PCDHGB4: variants seen among roughly 807,000 people sequenced by gnomAD.
The protein encoded by PCDHGB4 is protocadherin gamma subfamily B, 4.
A neutral mutation model predicts 60.5 loss-of-function variants in PCDHGB4; 38 were observed. The observed-to-expected ratio is 0.63, with a 90% confidence interval of 0.48 to 0.82. The LOEUF (loss-of-function observed/expected upper bound fraction) is 0.82, where lower values mean the gene tolerates loss of function less well. Among genes scored for constraint, PCDHGB4 ranks in the 40% least tolerant of loss-of-function variants. The pLI is 0.00. For missense variants in PCDHGB4, 1,109 were observed against 1,209.6 expected, an observed-to-expected ratio of 0.92 and a Z score of 1.23; for synonymous variants, 456 against 509.7, an observed-to-expected ratio of 0.89 and a Z score of 1.42.
rs189824439 is a variant in PCDHGB4 at position 141,393,729 on chromosome 5, A to G, written c.2397+3448A>G. ...TACTGGGGAAATATCAATAGCAAAA[A>G]GTCTAGATTATGAAGAATGTTCATT... On this transcript the variant is annotated intron_variant, in intron 1 of 3. Transcript: ENST00000519479. 7.2e-4 allele frequency: 1,163 copies of G among 1,613,856 alleles called. 2 individuals carry two copies. Among genetic ancestry groups the G allele is most frequent in the Non-Finnish European group, 7.9e-4 (934 of 1,179,868 alleles).
In PCDHGB4 at chr5:141,427,684, C is replaced by T. The variant is rs765112627; in HGVS notation, c.2397+37403C>T. 3.6e-6 allele frequency: 3 copies of T among 841,720 alleles called. No individual in the cohort carries two copies. In the Admixed American group the frequency reaches 5.8e-5, roughly 16 times the overall value. 52.1% of individuals were successfully genotyped at this position (841,720 alleles called of 1,614,324 possible). A position where few individuals can be genotyped will look rare whatever the true frequency, so the allele number is the denominator to read the frequency against. On this transcript the variant is annotated intron_variant, in intron 1 of 3. Transcript: ENST00000519479. The stretch of plus-strand genomic sequence containing the variant: ...GTGGCCGAAAACAACCTTCCCGGAG[C>T]CTCCATCCCACAAGTCAGCGCCTCT...
intron 1 of PCDHGB4, chr5:141,414,540 C>A (rs1158346953): frequency 1.2e-5 from 19 of 1,613,948 alleles, no homozygotes; most frequent in Non-Finnish European, 1.5e-5. Context: ...ACCCACCTAC[C>A]TTCTCTCAAG....
intron 1 of PCDHGB4, chr5:141,422,556 G>A: frequency 6.2e-7 from 1 of 1,613,908 alleles, no homozygotes; most frequent in Non-Finnish European, 8.5e-7. Flanking sequence ...GGCTGAATGT[G>A]GCAGATGACA....
Position 141,476,782 on chromosome 5 carries a change from A to T in PCDHGB4, c.2398-18025A>T. On this transcript the variant is annotated intron_variant, in intron 1 of 3. Coordinates refer to ENST00000519479, the MANE Select transcript of PCDHGB4 (RefSeq NM_003736.4). The surrounding 1 kb of genome is among the most constrained non-coding windows in gnomAD (Gnocchi z 7.6). ...TGACGGCGTTGGACGGAGGGACCCCAGCTCTCTCCGCCAGCCTGCCTATTC... is the reference window on the plus strand; with the variant it reads ...TGACGGCGTTGGACGGAGGGACCCCTGCTCTCTCCGCCAGCCTGCCTATTC... 6.2e-7 allele frequency: 1 copy of T among 1,613,568 alleles called. No individual in the cohort carries two copies. The highest frequency in any genetic ancestry group is 8.5e-7 in the Non-Finnish European group (1 of 1,179,996).
chr5:141,471,747 T>A (rs2099263878), intron 1 of PCDHGB4, among the ~76,000 whole-genome samples: 1 of 152,200 alleles, frequency 6.6e-6, no homozygotes, highest in African/African-American at 2.4e-5. Context: ...ACATAACATA[T>A]TTGAGGGTGT....
Position 141,431,804 on chromosome 5 carries a change from C to G in PCDHGB4, c.2397+41523C>G. On this transcript the variant is annotated intron_variant, in intron 1 of 3. Transcript: ENST00000519479. This position sits in a 1 kb window ranked among gnomAD's most constrained non-coding sequence, Gnocchi z 4.8. Reference sequence around the variant, plus strand: ...GAACGACAATGCCCCAGAAGTGGTCCTCACCTCTCTCGCCAGCTCGGTTCC... The same window carrying G: ...GAACGACAATGCCCCAGAAGTGGTCGTCACCTCTCTCGCCAGCTCGGTTCC... 6.2e-7 allele frequency: 1 copy of G among 1,614,232 alleles called. No homozygotes were observed. The highest frequency in any genetic ancestry group is 1.3e-5 in the African/African-American group (1 of 75,056).
intron 1 of PCDHGB4, among the ~76,000 whole-genome samples, chr5:141,401,410 A>T (rs536817103): frequency 2.6e-5 from 4 of 152,354 alleles, no homozygotes; most frequent in African/African-American, 9.6e-5. Context: ...TGAGAGAGAA[A>T]GAGAGAGACT....
rs61612330 is a variant in PCDHGB4 at position 141,454,796 on chromosome 5, A to ATTTTTTTTTTTTTTTT, written c.2398-39997_2398-39982dup. Among the ~76,000 whole-genome samples the ATTTTTTTTTTTTTTTT allele has an allele frequency of 1.2e-3, 96 of 77,456 alleles. 8 individuals are homozygous for ATTTTTTTTTTTTTTTT. The highest frequency in any genetic ancestry group is 2.0e-3 in the South Asian group (4 of 1,960). 50.8% of individuals were successfully genotyped at this position (77,456 alleles called of 152,430 possible). A position where few individuals can be genotyped will look rare whatever the true frequency, so the allele number is the denominator to read the frequency against. ...AAGGAAATAATCCTCCATGGTTCTA[A>ATTTTTTTTTTTTTTTT]TTTTTTTTTTTTTTTTTTTTTTTTT... On this transcript the variant is annotated intron_variant, in intron 1 of 3. Coordinates refer to ENST00000519479, the MANE Select transcript of PCDHGB4 (RefSeq NM_003736.4).
At position 141,501,290 on chromosome 5, in the gene PCDHGB4, TACACACACACAC is replaced by T. The variant is rs55762287; in HGVS notation, c.2457-4070_2457-4059del. Among the ~76,000 whole-genome samples, 15 of 136,248 alleles carry T rather than the reference TACACACACACAC, an allele frequency of 1.1e-4. No homozygotes were observed. The South Asian group carries it at 1.2e-3, about 11-fold the overall frequency. The allele number at this position is 136,248 out of a possible 152,430, so 89.4% of individuals were successfully genotyped here. A position where few individuals can be genotyped will look rare whatever the true frequency, so the allele number is the denominator to read the frequency against. ...GTCCAGTCTATGGGATATTCCCTTA[TACACACACACAC>T]ACACACACACACACACACACACACA... On this transcript the variant is annotated intron_variant, in intron 2 of 3. Transcript: ENST00000519479.
At chr5:141,494,232 A>T (rs2099752983) in intron 1 of PCDHGB4, among the ~76,000 whole-genome samples, 1 of 152,168 alleles carries the variant, frequency 6.6e-6, no homozygotes, top group African/African-American at 2.4e-5. Flanking sequence ...TCCTAAATTA[A>T]TAATGTATTT....
At chr5:141,423,375 G>C in intron 1 of PCDHGB4, 1 of 1,614,192 alleles carries the variant, frequency 6.2e-7, no homozygotes, top group Non-Finnish European at 8.5e-7. Context: ...TGGCACTCAG[G>C]CTGTGGCGCT....
chr5:141,404,995 T>G (rs1561697585), intron 1 of PCDHGB4: 1 of 1,614,008 alleles, frequency 6.2e-7, no homozygotes, highest in Non-Finnish European at 8.5e-7. Flanking sequence ...TTCAGATCCC[T>G]GCAGACCTGG....
rs764586891 is a variant in PCDHGB4, at chr5:141,477,616, A to G, written c.2398-17191A>G. On this transcript the variant is annotated intron_variant, in intron 1 of 3. Coordinates refer to ENST00000519479, the MANE Select transcript of PCDHGB4 (RefSeq NM_003736.4). This position sits in a 1 kb window ranked among gnomAD's most constrained non-coding sequence, Gnocchi z 4.9. ...TTTCTTTCTTTCTCTTGGAGCAAGGAGCTGAAACCGGGCTAGTGGGTCGCT... is the reference window on the plus strand; with the variant it reads ...TTTCTTTCTTTCTCTTGGAGCAAGGGGCTGAAACCGGGCTAGTGGGTCGCT... The G allele has an allele frequency of 1.2e-6, 2 of 1,614,068 alleles. No individual in the cohort carries two copies. Among genetic ancestry groups the G allele is most frequent in the African/African-American group, 2.7e-5 (2 of 74,924 alleles).
At chr5:141,401,734 G>T (rs2094188545) in intron 1 of PCDHGB4, among the ~76,000 whole-genome samples, 1 of 152,166 alleles carries the variant, frequency 6.6e-6, no homozygotes, top group Non-Finnish European at 1.5e-5. Context: ...CTAGTCTTGT[G>T]TACATACAAA....
intron 2 of PCDHGB4, among the ~76,000 whole-genome samples, chr5:141,502,654 C>G (rs1424933188): frequency 6.6e-6 from 1 of 152,112 alleles, no homozygotes; most frequent in African/African-American, 2.4e-5. Context: ...TAGGCAGCAA[C>G]CCTTCATGCA....
In PCDHGB4 at chr5:141,431,620, G is replaced by T; in HGVS notation, c.2397+41339G>T. 6.2e-7 allele frequency: 1 copy of T among 1,614,232 alleles called. No individual in the cohort carries two copies. The highest frequency in any genetic ancestry group is 8.5e-7 in the Non-Finnish European group (1 of 1,180,050). Reference sequence around the variant, plus strand: ...ATTCCTTCCGGTATGTGGACGACAAGGCGGCCCAAGTTTTCAAACTAGATT... The same window carrying T: ...ATTCCTTCCGGTATGTGGACGACAATGCGGCCCAAGTTTTCAAACTAGATT... On this transcript the variant is annotated intron_variant, in intron 1 of 3. Transcript: ENST00000519479. The surrounding 1 kb of genome is among the most constrained non-coding windows in gnomAD (Gnocchi z 4.8).
chr5:141,485,340 C>A lies in PCDHGB4; in HGVS notation c.2398-9467C>A. 1 of 1,614,076 alleles carries A rather than the reference C, an allele frequency of 6.2e-7. No individual in the cohort carries two copies. On this transcript the variant is annotated intron_variant, in intron 1 of 3. Transcript: ENST00000519479. The surrounding 1 kb of genome is among the most constrained non-coding windows in gnomAD (Gnocchi z 5.7). ...GTCGCTCAAGATTTCCTGCTGGATA[C>A]GGACAGTCTGTCAGCTCGCAGGCTG...
At position 141,486,028 on chromosome 5, in the gene PCDHGB4, C is replaced by T; in HGVS notation, c.2398-8779C>T. On this transcript the variant is annotated intron_variant, in intron 1 of 3. Transcript: ENST00000519479. This position sits in a 1 kb window ranked among gnomAD's most constrained non-coding sequence, Gnocchi z 5.0. ...TCACCTTTTATTTCAGTGGTCATAC[C>T]CCTGATCGTGTAAGAAACCTCTTTA... The T allele has an allele frequency of 6.2e-7, 1 of 1,614,134 alleles. No individual in the cohort carries two copies. Among genetic ancestry groups the T allele is most frequent in the Non-Finnish European group, 8.5e-7 (1 of 1,180,020 alleles).
In PCDHGB4 at chr5:141,506,176, C is replaced by T. The variant is rs183157987; in HGVS notation, c.2545+695C>T. ...CCTTAAGAGCACAGCCTAAGCTGGG[C>T]GTGGTGGCTCACGCCTGTAATCCCA... is the stretch of plus-strand genomic sequence containing the variant. On this transcript the variant is annotated intron_variant, in intron 3 of 3. Coordinates refer to ENST00000519479, the MANE Select transcript of PCDHGB4 (RefSeq NM_003736.4). Among the ~76,000 whole-genome samples the T allele has an allele frequency of 3.0e-3, 454 of 152,234 alleles. 1 individual carries two copies. The highest frequency in any genetic ancestry group is 0.021 in the Admixed American group (317 of 15,296).
Sources: gnomAD v4.1 joint callset for allele counts (sites outside exome capture counted in the v4.1 genomes callset) on GRCh38, gnomAD v4.1.1 for gene constraint, Gnocchi (gnomAD v3.1) non-coding constraint, MANE v1.5 for transcripts, NCBI Gene and HGNC (gene_info 2026-07-23, HGNC 2026-07-21) for gene names.